SNX7: variants seen among roughly 807,000 people sequenced by gnomAD.
The protein encoded by SNX7 is sorting nexin-7.
SNX7 carries 35 observed loss-of-function variants against 48.4 expected under a neutral mutation model. That is an observed-to-expected ratio of 0.72 (90% CI 0.55 to 0.96). The LOEUF (loss-of-function observed/expected upper bound fraction) is 0.96. SNX7 is among the 40% of genes least tolerant of loss of function. The pLI is 0.00. For missense variants in SNX7, 553 were observed against 548.9 expected (o/e 1.01, Z -0.07); for synonymous variants, 190 against 190.2 (o/e 1.00, Z 0.01).
chr1:98,667,642 A>G (rs193077935), intron 1 of SNX7, among the ~76,000 whole-genome samples: 1,611 of 151,842 alleles, frequency 0.011, 19 homozygotes, highest in Non-Finnish European at 0.014. Context: ...TCGGCCTCCC[A>G]AAGTGCTGAG....
intron 1 of SNX7, among the ~76,000 whole-genome samples, chr1:98,665,890 G>A (rs939593411): frequency 6.6e-6 from 1 of 152,056 alleles, no homozygotes; most frequent in Non-Finnish European, 1.5e-5. Context: ...GTGCCCAGCT[G>A]AAAAGTTTAT....
At chr1:98,705,959 A>G (rs1424822914) in intron 7 of SNX7, among the ~76,000 whole-genome samples, 1 of 152,160 alleles carries the variant, frequency 6.6e-6, no homozygotes, top group Non-Finnish European at 1.5e-5. Flanking sequence ...TAACATTTCT[A>G]ACTTGCAGCA....
intron 7 of SNX7, among the ~76,000 whole-genome samples, chr1:98,721,155 G>A (rs1652852428): frequency 6.6e-6 from 1 of 152,030 alleles, no homozygotes; most frequent in African/African-American, 2.4e-5. Flanking sequence ...GGTACTTTTT[G>A]AGTACTGACA....
Position 98,698,835 on chromosome 1 carries a change from G to T in SNX7, c.968G>T (p.Arg323Leu), listed in dbSNP as rs376047520. 1 of 1,613,822 alleles carries T rather than the reference G, an allele frequency of 6.2e-7. No homozygotes were observed. Among genetic ancestry groups the T allele is most frequent in the East Asian group, 2.2e-5 (1 of 44,870 alleles). Reference protein sequence around the residue: ...IDRCCKATEKRMSGLSEALLP... With the variant: ...IDRCCKATEKLMSGLSEALLP... ...AGATGCTGTAAGGCCACTGAAAAGCGGATGTCTGGACTCTCAGAGGCCCTG... is the reference window on the plus strand; with the variant it reads ...AGATGCTGTAAGGCCACTGAAAAGCTGATGTCTGGACTCTCAGAGGCCCTG... The change falls in exon 6 of 9, where the codon CGG (arginine) becomes CTG (leucine). Residue 323 changes from arginine (R) to leucine (L), a missense_variant. Transcript: ENST00000306121.
At chr1:98,662,554 T>G (rs929355325) in intron 1 of SNX7, 105 of 745,418 alleles carry the variant, frequency 1.4e-4, no homozygotes, top group Middle Eastern at 5.1e-4. Context: ...CCCGGGAAAT[T>G]TAGGACCAAA....
chr1:98,687,218 T>C (rs1428467005), intron 2 of SNX7, among the ~76,000 whole-genome samples: 2 of 152,254 alleles, frequency 1.3e-5, no homozygotes, highest in South Asian at 2.1e-4. Context: ...TAGTAGCTTG[T>C]TAAAGGTTAC....
chr1:98,684,015 T>C (rs910504841), intron 1 of SNX7, among the ~76,000 whole-genome samples: 1 of 152,158 alleles, frequency 6.6e-6, no homozygotes. Flanking sequence ...TTTTATTAGA[T>C]CTTCTTAATA....
chr1:98,732,913 T>C (rs1286122191), intron 7 of SNX7, among the ~76,000 whole-genome samples: 1 of 152,138 alleles, frequency 6.6e-6, no homozygotes, highest in Non-Finnish European at 1.5e-5. Context: ...GTTTTACTTA[T>C]TTCCTTAGAC....
intron 8 of SNX7, among the ~76,000 whole-genome samples, chr1:98,747,335 C>G (rs1299380339): frequency 6.6e-6 from 1 of 152,098 alleles, no homozygotes; most frequent in Non-Finnish European, 1.5e-5. Context: ...TAAGTTATTA[C>G]AGATTCAATT....
At chr1:98,725,285 GA>G (rs1653104626) in intron 7 of SNX7, among the ~76,000 whole-genome samples, 2 of 152,274 alleles carry the variant, frequency 1.3e-5, no homozygotes, top group Admixed American at 1.3e-4. Flanking sequence ...ACTGTGTGTT[GA>G]TGTAGATATA....
intron 1 of SNX7, among the ~76,000 whole-genome samples, chr1:98,677,990 CGTGT>C (rs56259822): frequency 0.047 from 6,630 of 141,668 alleles, 175 homozygotes; most frequent in African/African-American, 0.075. Flanking sequence ...TGTGTGTGTG[CGTGT>C]GTGTGTGTGT....
intron 8 of SNX7, among the ~76,000 whole-genome samples, chr1:98,742,267 C>T (rs954831244): frequency 2.0e-5 from 3 of 151,998 alleles, no homozygotes; most frequent in African/African-American, 7.2e-5. Flanking sequence ...GTAAAGGGAG[C>T]TATGTTCAAA....
intron 7 of SNX7, among the ~76,000 whole-genome samples, chr1:98,720,220 A>G (rs1652792940): frequency 6.6e-6 from 1 of 151,920 alleles, no homozygotes; most frequent in Non-Finnish European, 1.5e-5. Context: ...TTAAAAGTAA[A>G]CTATAAAATA....
At chr1:98,756,430 T>TG (rs939526643) in intron 8 of SNX7, among the ~76,000 whole-genome samples, 5 of 144,680 alleles carry the variant, frequency 3.5e-5, no homozygotes, top group East Asian at 2.1e-4. Flanking sequence ...GAGTTTTTTT[T>TG]TTTTTTTTTT....
At chr1:98,704,543 C>T (rs1006649656) in intron 7 of SNX7, among the ~76,000 whole-genome samples, 2 of 152,114 alleles carry the variant, frequency 1.3e-5, no homozygotes, top group African/African-American at 2.4e-5. Context: ...AATGAACCGG[C>T]CTTGATTGGT....
chr1:98,710,826 G>A lies in SNX7; in HGVS notation c.1125+8923G>A, dbSNP rs1183788130. 3.3e-5 allele frequency among the ~76,000 whole-genome samples: 5 copies of A among 152,242 alleles called. No individual in the cohort carries two copies. The East Asian group carries it at 9.7e-4, about 29-fold the overall frequency. ...GCTTTGATTCACTTTTATTTAACTT[G>A]TGACCTTAATCAGACATTAATTATT... On this transcript the variant is annotated intron_variant, in intron 7 of 8. Coordinates refer to ENST00000306121, the MANE Select transcript of SNX7 (RefSeq NM_015976.5).
intron 7 of SNX7, among the ~76,000 whole-genome samples, chr1:98,721,223 A>G (rs1652856930): frequency 6.6e-6 from 1 of 152,224 alleles, no homozygotes; most frequent in Admixed American, 6.5e-5. Flanking sequence ...CAGATTAGGA[A>G]TGCTGAACCG....
intron 1 of SNX7, among the ~76,000 whole-genome samples, chr1:98,679,278 G>A (rs951962916): frequency 6.6e-6 from 1 of 152,094 alleles, no homozygotes; most frequent in African/African-American, 2.4e-5. Context: ...CATGAGAACA[G>A]CATGTGAAGA....
At position 98,722,787 on chromosome 1, in the gene SNX7, CAAT is replaced by C. The variant is rs772419253; in HGVS notation, c.1126-15449_1126-15447del. 8.4e-4 allele frequency among the ~76,000 whole-genome samples: 117 copies of C among 138,524 alleles called. 1 individual carries two copies. Among genetic ancestry groups the C allele is most frequent in the African/African-American group, 1.8e-3 (70 of 38,372 alleles). 90.9% of individuals were successfully genotyped at this position (138,524 alleles called of 152,430 possible). ...TATAGCTTCCATTTAAAAAGGAAAACAATGATGATATTTTTAAGTAAGAATAAC... is the reference window on the plus strand; with the variant it reads ...TATAGCTTCCATTTAAAAAGGAAAACGATGATATTTTTAAGTAAGAATAAC... On this transcript the variant is annotated intron_variant, in intron 7 of 8. Transcript: ENST00000306121.
Sources: allele counts gnomAD v4.1 joint callset (sites outside exome capture counted in the v4.1 genomes callset), GRCh38; gene constraint gnomAD v4.1.1; transcripts MANE v1.5; gene names NCBI Gene and HGNC (gene_info 2026-07-23, HGNC 2026-07-21).